Variants in CCDC88C observed in about 807,000 individuals in gnomAD.
CCDC88C encodes the protein coiled-coil and HOOK domain protein 88C.
CCDC88C carries 131 observed loss-of-function variants against 198.8 expected under a neutral mutation model. The ratio of observed to expected loss-of-function variants is 0.66; its 90% CI spans 0.57 to 0.76. The LOEUF (loss-of-function observed/expected upper bound fraction) is 0.76, where lower values mean the gene tolerates loss of function less well. Ranked by LOEUF, CCDC88C falls within the 30% of genes least tolerant of loss-of-function variation. The pLI, the probability that CCDC88C is intolerant of heterozygous loss-of-function variation, is 0.00. For synonymous variants in CCDC88C, 1,166 were observed against 1,114.7 expected, an observed-to-expected ratio of 1.05 and a Z score of -0.92; for missense variants, 2,553 against 2,631.6, an observed-to-expected ratio of 0.97 and a Z score of 0.65.
intron 4 of CCDC88C, among the ~76,000 whole-genome samples, chr14:91,354,610 T>G (rs4427738): frequency 0.014 from 2,157 of 152,240 alleles, 14 homozygotes; most frequent in Non-Finnish European, 0.022. Context: ...CAACTGGCCT[T>G]CTTATCTATG....
Position 91,352,248 on chromosome 14 carries a change from G to A in CCDC88C, c.340+7394C>T, listed in dbSNP as rs1893846771. Among the ~76,000 whole-genome samples, 1 of 152,240 alleles carries A rather than the reference G, an allele frequency of 6.6e-6. No individual in the cohort carries two copies. Among genetic ancestry groups the A allele is most frequent in the African/African-American group, 2.4e-5 (1 of 41,468 alleles). The stretch of plus-strand genomic sequence containing the variant: ...TCTCTGTGTGCCTGGGCCATCGCTA[G>A]GAAGTTTACTAACAAAGTCTGGTCT... On this transcript the variant is annotated intron_variant, in intron 4 of 29. Coordinates refer to ENST00000389857, the MANE Select transcript of CCDC88C (RefSeq NM_001080414.4). This position sits in a 1 kb window ranked among gnomAD's most constrained non-coding sequence, Gnocchi z 4.2.
chr14:91,302,749 A>G (rs1891356212), intron 20 of CCDC88C, among the ~76,000 whole-genome samples: 1 of 152,142 alleles, frequency 6.6e-6, no homozygotes, highest in Admixed American at 6.5e-5. Context: ...TCCTTTCTAT[A>G]TGTTCGGAAG....
In CCDC88C at chr14:91,309,780, CA is replaced by C; in HGVS notation, c.2864+78del. 5 of 1,483,900 alleles carry C rather than the reference CA, an allele frequency of 3.4e-6. No homozygotes were observed. The South Asian group carries it at 6.5e-5, about 19-fold the overall frequency. 91.9% of individuals were successfully genotyped at this position (1,483,900 alleles called of 1,614,324 possible). A position where few individuals can be genotyped will look rare whatever the true frequency, so the allele number is the denominator to read the frequency against. On this transcript the variant is annotated intron_variant, in intron 16 of 29. Coordinates refer to ENST00000389857, the MANE Select transcript of CCDC88C (RefSeq NM_001080414.4). ...GGCAGTAGAGAGTTCATGGAGGTCT[CA>C]GGGGAGGGTGAGGAGCCTGCAGACT...
intron 3 of CCDC88C, among the ~76,000 whole-genome samples, chr14:91,395,717 G>A (rs1161385918): frequency 6.6e-6 from 1 of 151,970 alleles, no homozygotes; most frequent in Non-Finnish European, 1.5e-5. Context: ...TTGCCCAGCT[G>A]CAGCTAAGGA....
At position 91,339,260 on chromosome 14, in the gene CCDC88C, A is replaced by C. The variant is rs141937082; in HGVS notation, c.809+18T>G. On this transcript the variant is annotated intron_variant, in intron 8 of 29. Transcript: ENST00000389857. The surrounding 1 kb of genome is among the most constrained non-coding windows in gnomAD (Gnocchi z 5.8). ...TCTGCAACACACACAAAGGTAGGAG[A>C]AGCAGCCGGGGACTCACAGCTCCTG... The C allele has an allele frequency of 9.6e-5, 155 of 1,611,510 alleles. No homozygotes were observed. The highest frequency in any genetic ancestry group is 1.7e-4 in the Admixed American group (10 of 59,928).
At position 91,417,659 on chromosome 14, in the gene CCDC88C, A is replaced by G; in HGVS notation, c.32T>C (p.Leu11Pro). 1.3e-6 allele frequency: 2 copies of G among 1,585,914 alleles called. No homozygotes were observed. The highest frequency in any genetic ancestry group is 1.7e-6 in the Non-Finnish European group (2 of 1,169,282). ...GGTCACCAGCGGGCTCTGCAGGAAG[A>G]GCTCCAGGAGCTCCGAGACTGTCAC... MDVTVSELLE[L>P]FLQSPLVTWV... The change falls in exon 1 of 30, where the codon CTC (leucine) becomes CCC (proline). Residue 11 changes from leucine (L) to proline (P), a missense_variant. Physicochemically the swap from Leu to Pro is moderately conservative, Grantham distance 98. Transcript: ENST00000389857.
chr14:91,412,648 G>C (rs531046418), intron 2 of CCDC88C, among the ~76,000 whole-genome samples: 6 of 151,998 alleles, frequency 3.9e-5, no homozygotes, highest in Non-Finnish European at 8.8e-5. Flanking sequence ...TGTTAGCCAG[G>C]ATGGTCTCGA....
intron 4 of CCDC88C, among the ~76,000 whole-genome samples, chr14:91,351,566 C>T (rs181214377): frequency 1.1e-3 from 161 of 152,322 alleles, no homozygotes; most frequent in African/African-American, 3.8e-3. Flanking sequence ...AGGCAGGCAC[C>T]TCTACGCACG....
chr14:91,390,678 C>T lies in CCDC88C; in HGVS notation c.270+17981G>A, dbSNP rs546133822. On this transcript the variant is annotated intron_variant, in intron 3 of 29. Coordinates refer to ENST00000389857, the MANE Select transcript of CCDC88C (RefSeq NM_001080414.4). ...CAAAGTCGCCTTCCAGGTACACATG[C>T]GAAAAGCCAGTGGCTGGTCCCATCC... is the stretch of plus-strand genomic sequence containing the variant. 6.0e-4 allele frequency among the ~76,000 whole-genome samples: 91 copies of T among 152,254 alleles called. 2 individuals carry two copies. In the South Asian group the frequency reaches 0.012, roughly 21 times the overall value.
At position 91,288,427 on chromosome 14, in the gene CCDC88C, C is replaced by T. The variant is rs1596024958; in HGVS notation, c.4441+678G>A. ...CAAGGCTTTCGGGAGGTCTTATATACATGGAGAACGTGTTGAGTGCACCTG... is the reference window on the plus strand; with the variant it reads ...CAAGGCTTTCGGGAGGTCTTATATATATGGAGAACGTGTTGAGTGCACCTG... On this transcript the variant is annotated intron_variant, in intron 25 of 29. Transcript: ENST00000389857. This position sits in a 1 kb window ranked among gnomAD's most constrained non-coding sequence, Gnocchi z 4.2. Among the ~76,000 whole-genome samples the T allele has an allele frequency of 6.6e-6, 1 of 152,204 alleles. No individual in the cohort carries two copies. The highest frequency in any genetic ancestry group is 2.4e-5 in the African/African-American group (1 of 41,452).
chr14:91,386,206 G>A (rs1052301439), intron 3 of CCDC88C, among the ~76,000 whole-genome samples: 3 of 151,854 alleles, frequency 2.0e-5, no homozygotes, highest in Admixed American at 2.0e-4. Context: ...CACTTTGGGA[G>A]GCCGAGGTGG....
At position 91,279,303 on chromosome 14, in the gene CCDC88C, G is replaced by C. The variant is rs752668368; in HGVS notation, c.4703C>G (p.Ser1568Trp). Residue 1568 changes from serine (S) to tryptophan (W), a missense_variant, in exon 28 of 30, where the codon TCG becomes TGG. By Grantham distance (177) the Ser-to-Trp change is radical (BLOSUM62 -3). Transcript: ENST00000389857. ...FEVPNHRQYV[S>W]RPSSLESSRN... ...ACTGCTCTCTAAGCTACTTGGCCGC[G>C]ACACTGAAAGGAAATGGCAGTGTTA... 1 of 1,598,048 alleles carries C rather than the reference G, an allele frequency of 6.3e-7. No homozygotes were observed. Among genetic ancestry groups the C allele is most frequent in the South Asian group, 1.1e-5 (1 of 88,428 alleles).
intron 2 of CCDC88C, among the ~76,000 whole-genome samples, chr14:91,412,305 T>C (rs1397562362): frequency 6.6e-6 from 1 of 152,190 alleles, no homozygotes; most frequent in Admixed American, 6.5e-5. Context: ...TTAATATATA[T>C]CATAGATAAC....
chr14:91,360,039 A>G (rs1032069903), intron 3 of CCDC88C, among the ~76,000 whole-genome samples: 26 of 152,230 alleles, frequency 1.7e-4, no homozygotes. Context: ...TTGGAAAAAA[A>G]GGCAATAGAT....
intron 6 of CCDC88C, among the ~76,000 whole-genome samples, chr14:91,340,583 G>A (rs938190341): frequency 2.6e-5 from 4 of 152,114 alleles, no homozygotes; most frequent in African/African-American, 9.7e-5. Flanking sequence ...GAGATACACA[G>A]CTCTGTCTAC....
At chr14:91,320,967 C>T (rs918475020) in intron 13 of CCDC88C, among the ~76,000 whole-genome samples, 153 bp downstream of exon 13, 2 of 152,186 alleles carry the variant, frequency 1.3e-5, no homozygotes, top group African/African-American at 4.8e-5. Context: ...CTATTATAAT[C>T]AGCGGTGACT....
intron 2 of CCDC88C, among the ~76,000 whole-genome samples, chr14:91,414,927 CGTTTCTCAAA>C (rs980315706): frequency 2.6e-5 from 4 of 152,148 alleles, no homozygotes; most frequent in African/African-American, 9.7e-5. Context: ...GATGAGCTGG[CGTTTCTCAAA>C]GGAACGGTCC....
chr14:91,300,136 C>T (rs1403550213), intron 20 of CCDC88C, 66 bp from the exon 21 acceptor site: 3 of 1,556,236 alleles, frequency 1.9e-6, no homozygotes, highest in Admixed American at 3.8e-5. Flanking sequence ...TAACTCACAT[C>T]CCAGAGGATC....
intron 3 of CCDC88C, among the ~76,000 whole-genome samples, chr14:91,386,171 C>T (rs1038615197): frequency 6.0e-5 from 9 of 150,566 alleles, no homozygotes; most frequent in African/African-American, 2.2e-4. Context: ...AGGCCGGGCG[C>T]GGTGGCTCAC....
Sources: gnomAD v4.1 joint callset for allele counts (sites outside exome capture counted in the v4.1 genomes callset) on GRCh38, gnomAD v4.1.1 for gene constraint, Gnocchi (gnomAD v3.1) non-coding constraint, MANE v1.5 for transcripts, NCBI Gene and HGNC (gene_info 2026-07-23, HGNC 2026-07-21) for gene names.